CFAP299: variants seen among roughly 807,000 people sequenced by gnomAD.
The protein encoded by CFAP299 is cilia and flagella associated protein 299.
A neutral mutation model predicts 27.0 loss-of-function variants in CFAP299; 21 were observed. The ratio of observed to expected loss-of-function variants is 0.78; its 90% CI spans 0.55 to 1.12. The LOEUF is 1.12. Ranked by LOEUF, CFAP299 falls within the 50% of genes most tolerant of loss-of-function variation. The pLI, the probability that CFAP299 is intolerant of heterozygous loss-of-function variation, is 0.00. For missense variants in CFAP299, 310 were observed against 276.6 expected, an observed-to-expected ratio of 1.12 and a Z score of -0.86; for synonymous variants, 104 against 98.1, an observed-to-expected ratio of 1.06 and a Z score of -0.36.
intron 3 of CFAP299, among the ~76,000 whole-genome samples, chr4:80,631,049 TA>T (rs1358187133): frequency 6.6e-6 from 1 of 152,046 alleles, no homozygotes; most frequent in Non-Finnish European, 1.5e-5. Context: ...TTGTTTCCTT[TA>T]TTAGAGTAGT....
At chr4:80,687,206 C>T (rs551425973) in intron 3 of CFAP299, among the ~76,000 whole-genome samples, 1 of 152,166 alleles carries the variant, frequency 6.6e-6, no homozygotes, top group Non-Finnish European at 1.5e-5. Flanking sequence ...TTCAACTTCC[C>T]TGGAATGTGC....
intron 2 of CFAP299, among the ~76,000 whole-genome samples, chr4:80,513,982 T>C (rs1242524048): frequency 6.6e-6 from 1 of 152,064 alleles, no homozygotes. Context: ...AAAAGATAAT[T>C]GAACTTTTTG....
intron 4 of CFAP299, among the ~76,000 whole-genome samples, chr4:80,932,006 T>C (rs1056362269): frequency 6.6e-6 from 1 of 152,152 alleles, no homozygotes; most frequent in Non-Finnish European, 1.5e-5. Context: ...ACTGATTCCA[T>C]AGGCTAGCAG....
chr4:80,954,171 A>G (rs1737927624), intron 5 of CFAP299, among the ~76,000 whole-genome samples: 1 of 152,252 alleles, frequency 6.6e-6, no homozygotes, highest in African/African-American at 2.4e-5. Flanking sequence ...CTAATAACAC[A>G]GAAGCAGGCA....
intron 3 of CFAP299, among the ~76,000 whole-genome samples, chr4:80,869,180 A>G (rs1732930925): frequency 2.0e-5 from 3 of 152,272 alleles, no homozygotes; most frequent in South Asian, 4.1e-4. Flanking sequence ...GCTTAAAAGC[A>G]TGGAGAAATT....
intron 2 of CFAP299, among the ~76,000 whole-genome samples, chr4:80,495,533 G>A (rs1731391613): frequency 6.6e-6 from 1 of 152,036 alleles, no homozygotes; most frequent in Admixed American, 6.6e-5. Flanking sequence ...CAGGTGTAGT[G>A]GCTCACACCT....
intron 3 of CFAP299, among the ~76,000 whole-genome samples, chr4:80,810,806 A>C (rs987078649): frequency 2.0e-5 from 3 of 152,100 alleles, no homozygotes; most frequent in African/African-American, 7.2e-5. Context: ...TGTGAGCATC[A>C]TCCCATGCAT....
intron 3 of CFAP299, among the ~76,000 whole-genome samples, chr4:80,833,058 T>C (rs932984149): frequency 6.6e-6 from 1 of 152,158 alleles, no homozygotes; most frequent in African/African-American, 2.4e-5. Context: ...TTTGTGATTT[T>C]ATAGTAATTA....
chr4:80,553,375 T>C (rs1411757738), intron 2 of CFAP299, among the ~76,000 whole-genome samples: 1 of 152,220 alleles, frequency 6.6e-6, no homozygotes, highest in Non-Finnish European at 1.5e-5. Context: ...GTACCAAATA[T>C]GTACCAAATT....
At chr4:80,953,942 T>C (rs761035922) in intron 5 of CFAP299, among the ~76,000 whole-genome samples, 3 of 152,094 alleles carry the variant, frequency 2.0e-5, no homozygotes, top group Non-Finnish European at 2.9e-5. Context: ...TAATCAAACA[T>C]GATGCCAAAA....
intron 4 of CFAP299, among the ~76,000 whole-genome samples, chr4:80,889,135 C>T (rs1166570345): frequency 6.7e-6 from 1 of 149,410 alleles, no homozygotes; most frequent in African/African-American, 2.5e-5. Flanking sequence ...TAACAAAGAT[C>T]AAAGCAAAAA....
At chr4:80,323,369 G>A in the CFAP299 span, among the ~76,000 whole-genome samples, 1 of 152,296 alleles carries the variant, frequency 6.6e-6, no homozygotes, top group South Asian at 2.1e-4. Context: ...AAGCTGTAAT[G>A]TATTATCACT....
chr4:80,775,310 G>T (rs1726471542), intron 3 of CFAP299, among the ~76,000 whole-genome samples: 1 of 151,888 alleles, frequency 6.6e-6, no homozygotes, highest in African/African-American at 2.4e-5. Context: ...CAGCATGGTG[G>T]AATTACTGGC....
intron 4 of CFAP299, among the ~76,000 whole-genome samples, chr4:80,914,370 G>A (rs62302223): frequency 2.0e-5 from 3 of 152,020 alleles, no homozygotes; most frequent in Admixed American, 6.6e-5. Context: ...CTATTCTGGT[G>A]TGTGTGTAGT....
At chr4:80,647,703 T>C (rs1408261904) in intron 3 of CFAP299, among the ~76,000 whole-genome samples, 1 of 152,164 alleles carries the variant, frequency 6.6e-6, no homozygotes, top group African/African-American at 2.4e-5. Context: ...GTTCTTTTTA[T>C]TTATTAAATG....
chr4:80,438,405 A>G (rs1404172722), intron 2 of CFAP299, among the ~76,000 whole-genome samples: 1 of 152,180 alleles, frequency 6.6e-6, no homozygotes, highest in East Asian at 1.9e-4. Flanking sequence ...CCAGCTTCCA[A>G]ATGTCATCCC....
At chr4:80,822,233 G>A (rs1449873336) in intron 3 of CFAP299, among the ~76,000 whole-genome samples, 2 of 152,164 alleles carry the variant, frequency 1.3e-5, no homozygotes, top group African/African-American at 4.8e-5. Flanking sequence ...GTCTGATCAA[G>A]CAGGTGCATT....
At chr4:80,504,466 T>TATATATATAC (rs1731903174) in intron 2 of CFAP299, among the ~76,000 whole-genome samples, 1 of 67,030 alleles carries the variant, frequency 1.5e-5, no homozygotes, top group Non-Finnish European at 2.9e-5. Flanking sequence ...ATCTCACATA[T>TATATATATAC]ATATATATAT....
chr4:80,715,398 T>A (rs1474881904), intron 3 of CFAP299, among the ~76,000 whole-genome samples: 1 of 152,106 alleles, frequency 6.6e-6, no homozygotes, highest in Non-Finnish European at 1.5e-5. Context: ...TTAGGTCTAT[T>A]TGCTGCTGAT....
Sources: gnomAD v4.1 joint callset for allele counts (sites outside exome capture counted in the v4.1 genomes callset) on GRCh38, gnomAD v4.1.1 for gene constraint, MANE v1.5 for transcripts, NCBI Gene and HGNC (gene_info 2026-07-23, HGNC 2026-07-21) for gene names.